Variants in ARHGAP21 observed in about 807,000 individuals in gnomAD.
The protein encoded by ARHGAP21 is rho GTPase-activating protein 21.
In ARHGAP21, 38 loss-of-function variants were observed where a neutral mutation model predicts 164.6. That is an observed-to-expected ratio of 0.23 (90% confidence interval 0.18 to 0.30). The LOEUF (loss-of-function observed/expected upper bound fraction) is 0.30. Ranked by LOEUF, ARHGAP21 falls within the 10% of genes least tolerant of loss-of-function variation. ARHGAP21 has a pLI of 1.00. For synonymous variants in ARHGAP21, 766 were observed against 857.9 expected, an observed-to-expected ratio of 0.89 and a Z score of 1.87; for missense variants, 1,822 against 2,370.7, an observed-to-expected ratio of 0.77 and a Z score of 4.81.
At chr10:24,649,146 T>C (rs1282599801) in intron 4 of ARHGAP21, among the ~76,000 whole-genome samples, 1 of 152,210 alleles carries the variant, frequency 6.6e-6, no homozygotes, top group East Asian at 1.9e-4. Context: ...TACATCTTAA[T>C]AGGACAAATA....
chr10:24,614,926 C>T (rs1374489755), intron 9 of ARHGAP21, among the ~76,000 whole-genome samples: 1 of 152,062 alleles, frequency 6.6e-6, no homozygotes, highest in Admixed American at 6.6e-5. Context: ...GTGGCTCATA[C>T]CTGTAATCCC....
chr10:24,596,306 G>C (rs2076577227), intron 17 of ARHGAP21: 1 of 442,752 alleles, frequency 2.3e-6, no homozygotes, highest in Non-Finnish European at 3.9e-6. Flanking sequence ...CAGGTAAAGA[G>C]AATGTGGAAA....
chr10:24,610,920 C>T lies in ARHGAP21; in HGVS notation c.2423-3017G>A, dbSNP rs533625230. Reference sequence around the variant, plus strand: ...AAGCCAAATAAAAATGTAAAAAATACTGGTAAAAACCTATTACTGAAATGA... The same window carrying T: ...AAGCCAAATAAAAATGTAAAAAATATTGGTAAAAACCTATTACTGAAATGA... On this transcript the variant is annotated intron_variant, in intron 9 of 25. Transcript: ENST00000396432. Among the ~76,000 whole-genome samples the T allele has an allele frequency of 2.6e-5, 4 of 152,298 alleles. No individual in the cohort carries two copies. In the East Asian group the frequency reaches 7.7e-4, roughly 29 times the overall value.
intron 2 of ARHGAP21, among the ~76,000 whole-genome samples, chr10:24,692,819 A>T (rs981841015): frequency 2.6e-5 from 4 of 151,802 alleles, no homozygotes; most frequent in Non-Finnish European, 2.9e-5. Flanking sequence ...GCAGCAAGAA[A>T]CTCTGTCTCA....
intron 4 of ARHGAP21, among the ~76,000 whole-genome samples, chr10:24,643,575 C>T (rs1038838509): frequency 6.6e-6 from 1 of 152,176 alleles, no homozygotes; most frequent in African/African-American, 2.4e-5. Flanking sequence ...AAGTTACTTT[C>T]TTTCTTACTA....
chr10:24,615,278 C>T (rs769254862), intron 9 of ARHGAP21, among the ~76,000 whole-genome samples: 6 of 152,270 alleles, frequency 3.9e-5, no homozygotes, highest in South Asian at 2.1e-4. Context: ...TTTTTGTTAA[C>T]GAACTCGACA....
chr10:24,615,973 T>C (rs1480376186), intron 9 of ARHGAP21, among the ~76,000 whole-genome samples: 1 of 152,138 alleles, frequency 6.6e-6, no homozygotes, highest in Non-Finnish European at 1.5e-5. Flanking sequence ...AGATGGAGTT[T>C]CACTGTGTTG....
intron 4 of ARHGAP21, among the ~76,000 whole-genome samples, chr10:24,640,460 T>C (rs1186835339): frequency 6.6e-6 from 1 of 152,020 alleles, no homozygotes; most frequent in Admixed American, 6.6e-5. Context: ...TTTCCATTGG[T>C]TTCTTTGTTG....
At chr10:24,646,549 C>A (rs182449858) in intron 4 of ARHGAP21, among the ~76,000 whole-genome samples, 2 of 152,218 alleles carry the variant, frequency 1.3e-5, no homozygotes, top group African/African-American at 4.8e-5. Context: ...GAGGTGGAGG[C>A]TGCAGTGAGC....
At chr10:24,657,427 T>G (rs1467911384) in intron 4 of ARHGAP21, among the ~76,000 whole-genome samples, 34 of 47,838 alleles carry the variant, frequency 7.1e-4, no homozygotes, top group African/African-American at 1.3e-3. Flanking sequence ...GGAGGGAGGT[T>G]GGGGGGTCAG....
Position 24,620,696 on chromosome 10 carries a change from C to A in ARHGAP21, c.1199G>T (p.Arg400Leu). The change falls in exon 9 of 26, where the codon CGA becomes CTA. Residue 400 changes from arginine to leucine, a missense_variant. Transcript: ENST00000396432. ...KTYKEYIDNR[R>L]LHIGCRTIQE... ...TATTGTCCGACAACCTATGTGCAAT[C>A]GTCTGTTATCAATATACTCTTTGTA... 6.2e-7 allele frequency: 1 copy of A among 1,614,072 alleles called. No homozygotes were observed. The highest frequency in any genetic ancestry group is 8.5e-7 in the Non-Finnish European group (1 of 1,179,956).
In ARHGAP21 at chr10:24,584,489, T is replaced by G; in HGVS notation, c.5800A>C (p.Ser1934Arg). The G allele has an allele frequency of 6.2e-7, 1 of 1,614,018 alleles. No individual in the cohort carries two copies. Among genetic ancestry groups the G allele is most frequent in the South Asian group, 1.1e-5 (1 of 91,076 alleles). Residue 1934 changes from serine (S) to arginine (R), a missense_variant, in exon 26 of 26, where the codon AGT (serine) becomes CGT (arginine). Around this residue, in one of 5 missense-constraint regions of ARHGAP21, gnomAD observed 165 missense variants for 176.6 expected, o/e 0.93. Transcript: ENST00000396432. The part of the protein sequence containing the change: ...ESFQNVSKNA[S>R]SAANAQPHKL... ...TGAGGTTGGGCATTCGCTGCAGAAC[T>G]AGCATTTTTGCTCACGTTCTGGAAG...
intron 25 of ARHGAP21, among the ~76,000 whole-genome samples, chr10:24,586,434 C>A (rs769965763): frequency 2.0e-5 from 3 of 152,152 alleles, no homozygotes; most frequent in Non-Finnish European, 4.4e-5. Context: ...TTCCACAGTG[C>A]CCAGGCATTC....
intron 7 of ARHGAP21, 63 bp from the exon 8 acceptor site, chr10:24,622,825 T>C (rs1834716023): frequency 6.6e-7 from 1 of 1,526,406 alleles, no homozygotes; most frequent in Non-Finnish European, 9.0e-7. Flanking sequence ...AATCATGTTG[T>C]CATATTGATG....
intron 2 of ARHGAP21, among the ~76,000 whole-genome samples, chr10:24,700,574 T>C (rs1360035084): frequency 6.6e-6 from 1 of 152,206 alleles, no homozygotes; most frequent in African/African-American, 2.4e-5. Context: ...AATTGAGGCT[T>C]TTCTTTATGA....
chr10:24,696,021 G>A (rs1432756903), intron 2 of ARHGAP21, among the ~76,000 whole-genome samples: 1 of 152,132 alleles, frequency 6.6e-6, no homozygotes, highest in South Asian at 2.1e-4. Flanking sequence ...AATTTTAAGG[G>A]TAATCTGTTA....
chr10:24,607,391 T>G (rs750982302), intron 11 of ARHGAP21, 108 bp downstream of exon 11: 6 of 930,668 alleles, frequency 6.4e-6, no homozygotes, highest in Non-Finnish European at 8.1e-6. Context: ...ATTTCTAATG[T>G]CAAAGTTAGA....
chr10:24,722,496 T>C (rs935280718), intron 1 of ARHGAP21: 1 of 154,832 alleles, frequency 6.5e-6, no homozygotes, highest in African/African-American at 2.4e-5. Flanking sequence ...CTGGCTGTTA[T>C]GCAGCCTTCA....
At chr10:24,703,020 ATAT>A (rs1297851981) in intron 2 of ARHGAP21, among the ~76,000 whole-genome samples, 4 of 152,130 alleles carry the variant, frequency 2.6e-5, no homozygotes, top group South Asian at 2.1e-4. Flanking sequence ...ATAGTGTATA[ATAT>A]TATACACTGT....
Sources: allele counts gnomAD v4.1 joint callset (sites outside exome capture counted in the v4.1 genomes callset), GRCh38; gene constraint gnomAD v4.1.1; regional missense constraint gnomAD v4.1.1; transcripts MANE v1.5; gene names NCBI Gene and HGNC (gene_info 2026-07-23, HGNC 2026-07-21).